GPC6: variants seen among roughly 807,000 people sequenced by gnomAD.
The protein encoded by GPC6 is glypican-6.
In GPC6, 14 loss-of-function variants were observed where a neutral mutation model predicts 55.2. That is an observed-to-expected ratio of 0.25 (90% confidence interval 0.17 to 0.40). The LOEUF is 0.40. Among genes scored for constraint, GPC6 ranks in the 10% least tolerant of loss-of-function variants. The pLI, the probability that GPC6 is intolerant of heterozygous loss-of-function variation, is 1.00. For synonymous variants in GPC6, 278 were observed against 259.6 expected, an observed-to-expected ratio of 1.07 and a Z score of -0.68; for missense variants, 641 against 708.5, an observed-to-expected ratio of 0.90 and a Z score of 1.08.
At chr13:93,802,826 G>C (rs80282472) in intron 2 of GPC6, among the ~76,000 whole-genome samples, 4,312 of 152,272 alleles carry the variant, frequency 0.028, 200 homozygotes, top group African/African-American at 0.096. Flanking sequence ...ACACCTGAGA[G>C]AGAAATAATT....
intron 4 of GPC6, among the ~76,000 whole-genome samples, chr13:94,102,557 TA>T (rs1483372346): frequency 6.6e-6 from 1 of 151,990 alleles, no homozygotes; most frequent in Non-Finnish European, 1.5e-5. Context: ...GCCTTGTTAA[TA>T]AGCCAGTGAT....
intron 2 of GPC6, among the ~76,000 whole-genome samples, chr13:93,727,002 AG>A (rs1340493761): frequency 1.3e-5 from 2 of 152,142 alleles, no homozygotes; most frequent in African/African-American, 4.8e-5. Context: ...TTATATAAAT[AG>A]GGCTCCATTT....
At chr13:93,832,155 C>A (rs1594500478) in intron 3 of GPC6, among the ~76,000 whole-genome samples, 2 of 86,946 alleles carry the variant, frequency 2.3e-5, no homozygotes, top group East Asian at 4.3e-4. Context: ...AATGTCCTTA[C>A]ATTGAATCTC....
intron 3 of GPC6, among the ~76,000 whole-genome samples, chr13:93,941,480 G>A (rs1020111534): frequency 3.3e-5 from 5 of 152,312 alleles, no homozygotes; most frequent in Non-Finnish European, 4.4e-5. Context: ...CAAGCCAATT[G>A]TGTGACATGT....
chr13:93,803,897 G>A (rs2138941547), intron 2 of GPC6, among the ~76,000 whole-genome samples: 1 of 152,244 alleles, frequency 6.6e-6, no homozygotes, highest in Non-Finnish European at 1.5e-5. Context: ...CTGGGGTGGG[G>A]AATGGTAGAG....
chr13:93,547,236 C>T (rs530264738), intron 2 of GPC6, among the ~76,000 whole-genome samples: 1 of 151,098 alleles, frequency 6.6e-6, no homozygotes, highest in South Asian at 2.1e-4. Flanking sequence ...GTCCCAGCTA[C>T]TGGGGAGGCC....
At chr13:94,019,684 G>A (rs1259380749) in intron 3 of GPC6, among the ~76,000 whole-genome samples, 4 of 152,068 alleles carry the variant, frequency 2.6e-5, no homozygotes, top group African/African-American at 7.2e-5. Context: ...AATGAAGTAC[G>A]ATCTTATCTA....
At chr13:93,497,016 G>A (rs539557792) in intron 1 of GPC6, among the ~76,000 whole-genome samples, 12 of 152,216 alleles carry the variant, frequency 7.9e-5, no homozygotes, top group South Asian at 6.2e-4. Flanking sequence ...ACCTGCTTTC[G>A]ATGCGTTAAT....
chr13:94,345,796 C>T (rs946159057), intron 6 of GPC6, among the ~76,000 whole-genome samples: 1 of 152,126 alleles, frequency 6.6e-6, no homozygotes, highest in Admixed American at 6.5e-5. Context: ...CCTAGGATTG[C>T]TACAACAAAG....
intron 3 of GPC6, among the ~76,000 whole-genome samples, chr13:93,878,678 T>C (rs1224159284): frequency 6.6e-6 from 1 of 152,064 alleles, no homozygotes; most frequent in Non-Finnish European, 1.5e-5. Flanking sequence ...GCTCCTGGCC[T>C]ACCCTTCAGA....
intron 1 of GPC6, among the ~76,000 whole-genome samples, chr13:93,271,551 T>C (rs1877527838): frequency 6.6e-6 from 1 of 151,888 alleles, no homozygotes; most frequent in East Asian, 1.9e-4. Flanking sequence ...TACACAGAGA[T>C]CTAAAAGTAA....
intron 4 of GPC6, among the ~76,000 whole-genome samples, chr13:94,113,048 A>G (rs1489464898): frequency 6.6e-6 from 1 of 152,108 alleles, no homozygotes; most frequent in Non-Finnish European, 1.5e-5. Context: ...ATGTTTTTTG[A>G]AAGAAAGTGT....
intron 2 of GPC6, among the ~76,000 whole-genome samples, chr13:93,755,891 A>C (rs2138869172): frequency 6.6e-6 from 1 of 152,330 alleles, no homozygotes; most frequent in African/African-American, 2.4e-5. Flanking sequence ...GAAATCTAGA[A>C]GAATTTCACT....
At chr13:93,728,860 G>A (rs117531973) in intron 2 of GPC6, among the ~76,000 whole-genome samples, 12 of 152,142 alleles carry the variant, frequency 7.9e-5, no homozygotes, top group East Asian at 1.9e-4. Context: ...GAGCCACTGC[G>A]CCCAGCCTTA....
chr13:93,965,744 G>A (rs547699568), intron 3 of GPC6, among the ~76,000 whole-genome samples: 31 of 152,114 alleles, frequency 2.0e-4, no homozygotes, highest in Non-Finnish European at 3.8e-4. Flanking sequence ...CCCTTGTCAA[G>A]CCACCAGATG....
At chr13:93,740,954 G>T (rs1228616414) in intron 2 of GPC6, among the ~76,000 whole-genome samples, 1 of 151,934 alleles carries the variant, frequency 6.6e-6, no homozygotes, top group Non-Finnish European at 1.5e-5. Flanking sequence ...ATAAGGAGTT[G>T]TTATGGTTTT....
At chr13:93,661,814 G>A (rs1247314181) in intron 2 of GPC6, among the ~76,000 whole-genome samples, 3 of 152,068 alleles carry the variant, frequency 2.0e-5, no homozygotes, top group African/African-American at 7.2e-5. Flanking sequence ...CTTTATACAG[G>A]CATATAAGAG....
intron 6 of GPC6, among the ~76,000 whole-genome samples, chr13:94,366,056 T>C (rs1008724805): frequency 6.6e-6 from 1 of 152,166 alleles, no homozygotes; most frequent in Non-Finnish European, 1.5e-5. Context: ...AATTTCAATA[T>C]TTTCAGAGTA....
chr13:93,308,331 T>G (rs530150782), intron 1 of GPC6, among the ~76,000 whole-genome samples: 1 of 152,334 alleles, frequency 6.6e-6, no homozygotes, highest in Non-Finnish European at 1.5e-5. Flanking sequence ...CCTGAGGGCA[T>G]AACTTATAAT....
Sources: gnomAD v4.1 joint callset for allele counts (sites outside exome capture counted in the v4.1 genomes callset) on GRCh38, gnomAD v4.1.1 for gene constraint, MANE v1.5 for transcripts, NCBI Gene and HGNC (gene_info 2026-07-23, HGNC 2026-07-21) for gene names.